Variants in ALKBH8 observed in about 807,000 individuals in gnomAD.
ALKBH8 encodes the protein tRNA (carboxymethyluridine(34)-5-O)-methyltransferase ALKBH8.
In ALKBH8, 36 loss-of-function variants were observed where a neutral mutation model predicts 59.8. The ratio of observed to expected loss-of-function variants is 0.60; its 90% confidence interval spans 0.46 to 0.79. The LOEUF is 0.79. Among genes scored for constraint, ALKBH8 ranks in the 30% least tolerant of loss-of-function variants. The probability of loss-of-function intolerance (pLI) is 0.00; values close to 1 mark genes in which losing one functional copy is unlikely to be tolerated. For missense variants in ALKBH8, 768 were observed against 801.0 expected (o/e 0.96, Z 0.50); for synonymous variants, 276 against 273.6 (o/e 1.01, Z -0.09).
Position 107,553,214 on chromosome 11 carries a change from A to T in ALKBH8, c.500-11T>A. 6.5e-7 allele frequency: 1 copy of T among 1,530,512 alleles called. No individual in the cohort carries two copies. The highest frequency in any genetic ancestry group is 8.9e-7 in the Non-Finnish European group (1 of 1,124,768). The allele number at this position is 1,530,512 out of a possible 1,614,324, so 94.8% of individuals were successfully genotyped here. ...TTAAGGATTTTTGAGCTGTGTGAAG[A>T]GAACAAAGTAAACAATTAAGAAGGA... is the stretch of plus-strand genomic sequence containing the variant. On this transcript the variant is annotated splice_polypyrimidine_tract_variant and intron_variant, in intron 4 of 11. Transcript: ENST00000428149.
intron 10 of ALKBH8, among the ~76,000 whole-genome samples, chr11:107,512,534 A>G (rs529742394): frequency 1.3e-5 from 2 of 152,168 alleles, no homozygotes. Flanking sequence ...GCTGGCCTCA[A>G]ACTCCTGGGC....
chr11:107,512,081 G>GTATGCA (rs747050703), intron 10 of ALKBH8, among the ~76,000 whole-genome samples: 11 of 152,076 alleles, frequency 7.2e-5, no homozygotes, highest in Non-Finnish European at 1.6e-4. Flanking sequence ...CATGCCTTAT[G>GTATGCA]TATGCATCTG....
intron 7 of ALKBH8, among the ~76,000 whole-genome samples, chr11:107,534,545 T>C (rs536924748): frequency 1.9e-4 from 29 of 152,296 alleles, no homozygotes; most frequent in Middle Eastern, 3.4e-3. Context: ...TTCAAACTTA[T>C]TCCCTCCCAT....
At chr11:107,508,190 T>C (rs1055749589) in intron 11 of ALKBH8, among the ~76,000 whole-genome samples, 2 of 151,284 alleles carry the variant, frequency 1.3e-5, no homozygotes, top group Non-Finnish European at 2.9e-5. Context: ...TTTTTTTTTT[T>C]TGAGATGGAG....
At chr11:107,562,974 G>C (rs1864996352) in intron 1 of ALKBH8, among the ~76,000 whole-genome samples, 1 of 152,184 alleles carries the variant, frequency 6.6e-6, no homozygotes, top group Non-Finnish European at 1.5e-5. Context: ...GAGTGACTAA[G>C]AGATGAGTGC....
intron 7 of ALKBH8, among the ~76,000 whole-genome samples, chr11:107,537,861 C>T (rs977472340): frequency 6.6e-6 from 1 of 152,016 alleles, no homozygotes; most frequent in African/African-American, 2.4e-5. Flanking sequence ...ACTGATGGCA[C>T]TAAATAGAAA....
chr11:107,523,685 C>T (rs1248386302), intron 9 of ALKBH8, among the ~76,000 whole-genome samples: 1 of 149,410 alleles, frequency 6.7e-6, no homozygotes, highest in Admixed American at 6.7e-5. Flanking sequence ...TCACTGCAAC[C>T]TCCGCCTCCT....
At position 107,504,562 on chromosome 11, in the gene ALKBH8, C is replaced by T. The variant is rs1376770386; in HGVS notation, c.*96G>A. ...TCAGCTTTCCTTTGGTACTTTCCCA[C>T]AAGTTTTCTCTTTAATTAAAAGGGT... On this transcript the variant is annotated 3_prime_UTR_variant, in exon 12 of 12. Coordinates refer to ENST00000428149, the MANE Select transcript of ALKBH8 (RefSeq NM_138775.3). The T allele has an allele frequency of 1.3e-5, 19 of 1,467,136 alleles. No individual in the cohort carries two copies. The South Asian group carries it at 2.3e-4, about 18-fold the overall frequency. 90.9% of individuals were successfully genotyped at this position (1,467,136 alleles called of 1,614,324 possible).
chr11:107,557,519 T>C (rs1046687648), intron 2 of ALKBH8, among the ~76,000 whole-genome samples: 2 of 152,224 alleles, frequency 1.3e-5, no homozygotes, highest in Admixed American at 1.3e-4. Flanking sequence ...TTAAACCTAT[T>C]TCTGTCCGTT....
At position 107,553,149 on chromosome 11, in the gene ALKBH8, T is replaced by C. The variant is rs762108780; in HGVS notation, c.554A>G (p.Tyr185Cys). ...ATCTTTATCTACATTGTTGTTCTCATAGTGGAACTCATAACCAAAATGCTT... is the reference window on the plus strand; with the variant it reads ...ATCTTTATCTACATTGTTGTTCTCACAGTGGAACTCATAACCAAAATGCTT... ...RVKHFGYEFHYENNNVDKDKP... is the reference protein window; with the variant it reads ...RVKHFGYEFHCENNNVDKDKP... Residue 185 changes from tyrosine (Y) to cysteine (C), a missense_variant, in exon 5 of 12, where the codon TAT becomes TGT. Coordinates refer to ENST00000428149, the MANE Select transcript of ALKBH8 (RefSeq NM_138775.3). The C allele has an allele frequency of 1.2e-6, 2 of 1,610,530 alleles. No individual in the cohort carries two copies. The highest frequency in any genetic ancestry group is 1.3e-5 in the African/African-American group (1 of 74,758).
intron 7 of ALKBH8, among the ~76,000 whole-genome samples, chr11:107,535,630 T>C (rs1863784722): frequency 6.6e-6 from 1 of 152,134 alleles, no homozygotes. Context: ...CTGATTGAAA[T>C]TCTTAACTTT....
chr11:107,564,979 G>A (rs1049234387), intron 1 of ALKBH8, among the ~76,000 whole-genome samples: 3 of 152,126 alleles, frequency 2.0e-5, no homozygotes, highest in African/African-American at 7.2e-5. Flanking sequence ...CTTCTTCAAC[G>A]TTTTCATTAA....
At chr11:107,539,273 C>T (rs184123043) in intron 7 of ALKBH8, among the ~76,000 whole-genome samples, 1 of 152,300 alleles carries the variant, frequency 6.6e-6, no homozygotes, top group African/African-American at 2.4e-5. Context: ...TCTACCTATG[C>T]CATATGGCCT....
intron 3 of ALKBH8, 43 bp from the exon 4 acceptor site, chr11:107,554,021 G>C (rs755851093): frequency 1.2e-6 from 2 of 1,606,878 alleles, no homozygotes; most frequent in Admixed American, 3.4e-5. Flanking sequence ...AAAACTTAAA[G>C]TTCCTATATA....
intron 2 of ALKBH8, among the ~76,000 whole-genome samples, chr11:107,560,255 A>G (rs1163590239): frequency 6.6e-6 from 1 of 152,188 alleles, no homozygotes; most frequent in Non-Finnish European, 1.5e-5. Flanking sequence ...GACTTTGTTA[A>G]TAAGGTCTAA....
At chr11:107,558,399 C>T (rs1170462756) in intron 2 of ALKBH8, among the ~76,000 whole-genome samples, 1 of 152,160 alleles carries the variant, frequency 6.6e-6, no homozygotes, top group Non-Finnish European at 1.5e-5. Context: ...TGCCCTGGAC[C>T]TCACTTAATG....
At chr11:107,542,570 G>A (rs658245) in intron 7 of ALKBH8, among the ~76,000 whole-genome samples, 117,020 of 152,070 alleles carry the variant, frequency 0.77, 45,833 homozygotes, top group South Asian at 0.85. Flanking sequence ...GCAATAAAGC[G>A]GTACTTAAAA....
At chr11:107,554,903 A>T (rs1338065197) in intron 3 of ALKBH8, among the ~76,000 whole-genome samples, 1 of 152,112 alleles carries the variant, frequency 6.6e-6, no homozygotes, top group Non-Finnish European at 1.5e-5. Context: ...AAAAAGAATT[A>T]AAAATATCTC....
intron 3 of ALKBH8, 104 bp from the exon 4 acceptor site, chr11:107,554,082 T>A (rs1226716201): frequency 1.4e-6 from 2 of 1,408,926 alleles, no homozygotes; most frequent in Non-Finnish European, 1.9e-6. Flanking sequence ...CTTCAAATCC[T>A]CATTTTCGGA....
Sources: gnomAD v4.1 joint callset for allele counts (sites outside exome capture counted in the v4.1 genomes callset) on GRCh38, gnomAD v4.1.1 for gene constraint, MANE v1.5 for transcripts, NCBI Gene and HGNC (gene_info 2026-07-23, HGNC 2026-07-21) for gene names.